The following ARID2 variants were observed in gnomAD, a reference collection of about 807,000 sequenced individuals.
The protein encoded by ARID2 is AT-rich interaction domain 2.
ARID2 carries 32 observed loss-of-function variants against 184.6 expected under a neutral mutation model. The observed-to-expected ratio is 0.17, with a 90% confidence interval of 0.13 to 0.23. ARID2 has a LOEUF of 0.23. Ranked by LOEUF, ARID2 falls within the 10% of genes least tolerant of loss-of-function variation. ARID2 has a pLI of 1.00. For synonymous variants in ARID2, 836 were observed against 772.6 expected, an observed-to-expected ratio of 1.08 and a Z score of -1.36; for missense variants, 1,696 against 2,197.6, an observed-to-expected ratio of 0.77 and a Z score of 4.56.
At chr12:45,771,114 T>C (rs892950844) in intron 3 of ARID2, among the ~76,000 whole-genome samples, 1 of 152,128 alleles carries the variant, frequency 6.6e-6, no homozygotes, top group East Asian at 1.9e-4. Context: ...TTATAAAAGA[T>C]AGTATAAATG....
At chr12:45,809,635 C>T (rs1357810448) in intron 3 of ARID2, among the ~76,000 whole-genome samples, 1 of 152,142 alleles carries the variant, frequency 6.6e-6, no homozygotes, top group East Asian at 1.9e-4. Context: ...GTATATGTCT[C>T]TGCTTCAGTA....
chr12:45,780,348 T>A (rs1336469171), intron 3 of ARID2, among the ~76,000 whole-genome samples: 2 of 152,188 alleles, frequency 1.3e-5, no homozygotes, highest in African/African-American at 4.8e-5. Flanking sequence ...AAAGAATGAC[T>A]TCTGCCTTTT....
chr12:45,770,200 C>T (rs1447883440), intron 3 of ARID2, among the ~76,000 whole-genome samples: 2 of 151,898 alleles, frequency 1.3e-5, no homozygotes, highest in Non-Finnish European at 2.9e-5. Flanking sequence ...TTGCAGTGAG[C>T]CGAGATCGTG....
chr12:45,826,764 C>T (rs1230092958), intron 6 of ARID2, among the ~76,000 whole-genome samples: 1 of 152,098 alleles, frequency 6.6e-6, no homozygotes, highest in Non-Finnish European at 1.5e-5. Context: ...CTAGAATTTA[C>T]AGCAAAGGGC....
chr12:45,807,387 T>G (rs1054343245), intron 3 of ARID2, among the ~76,000 whole-genome samples: 7 of 152,180 alleles, frequency 4.6e-5, no homozygotes, highest in African/African-American at 1.4e-4. Context: ...TGGTGGTGGT[T>G]ATTGTTTCAG....
chr12:45,810,349 C>G (rs1942682919), intron 3 of ARID2, among the ~76,000 whole-genome samples: 1 of 152,084 alleles, frequency 6.6e-6, no homozygotes, highest in Non-Finnish European at 1.5e-5. Flanking sequence ...AATGGTGATA[C>G]AGTGGGGGGA....
chr12:45,893,553 C>T lies in ARID2; in HGVS notation c.5271+10C>T, dbSNP rs370116658. The T allele has an allele frequency of 1.2e-5, 19 of 1,612,488 alleles. No individual in the cohort carries two copies. The highest frequency in any genetic ancestry group is 1.5e-5 in the Non-Finnish European group (18 of 1,179,330). ...CTTTCGAGATTTTACAGTAAGCATG[C>T]CTTGAAACCCTTATCTGTAAAAGTC... On this transcript the variant is annotated intron_variant, in intron 19 of 20. Coordinates refer to ENST00000334344, the MANE Select transcript of ARID2 (RefSeq NM_152641.4).
chr12:45,825,983 C>T (rs967181226), intron 6 of ARID2, among the ~76,000 whole-genome samples: 7 of 151,918 alleles, frequency 4.6e-5, no homozygotes, highest in African/African-American at 9.7e-5. Context: ...TGGTTTCTAA[C>T]GTATATTCCC....
At chr12:45,776,928 A>C (rs914125893) in intron 3 of ARID2, among the ~76,000 whole-genome samples, 8 of 151,146 alleles carry the variant, frequency 5.3e-5, no homozygotes, top group Admixed American at 1.3e-4. Context: ...GGTTACAGGC[A>C]CACACCACCA....
At chr12:45,893,190 T>G (rs1287958612) in intron 18 of ARID2, among the ~76,000 whole-genome samples, 1 of 152,216 alleles carries the variant, frequency 6.6e-6, no homozygotes, top group Non-Finnish European at 1.5e-5. Context: ...GCTTTAAAAT[T>G]GATAGATTGG....
intron 3 of ARID2, among the ~76,000 whole-genome samples, chr12:45,793,960 GT>G (rs1942341161): frequency 6.6e-6 from 1 of 151,716 alleles, no homozygotes; most frequent in Non-Finnish European, 1.5e-5. Context: ...AAACTATGTT[GT>G]AAGCAGTTAT....
At chr12:45,868,878 T>G (rs142144579) in intron 16 of ARID2, among the ~76,000 whole-genome samples, 6 of 152,322 alleles carry the variant, frequency 3.9e-5, no homozygotes, top group African/African-American at 1.4e-4. Context: ...CCCCTGCTGA[T>G]TCTTCGCAGT....
chr12:45,817,659 T>C lies in ARID2; in HGVS notation c.419-11T>C, dbSNP rs2138092117. On this transcript the variant is annotated splice_polypyrimidine_tract_variant and intron_variant, in intron 4 of 20. Transcript: ENST00000334344. ...CTTTGATATACTTAAGGTATTTTTT[T>C]TCTTTGTTAGATTATCTGCGTCAAA... The C allele has an allele frequency of 6.3e-7, 1 of 1,599,070 alleles. No homozygotes were observed. The highest frequency in any genetic ancestry group is 8.5e-7 in the Non-Finnish European group (1 of 1,175,896).
chr12:45,750,037 T>C (rs993472707), intron 3 of ARID2, among the ~76,000 whole-genome samples: 2 of 152,214 alleles, frequency 1.3e-5, no homozygotes, highest in African/African-American at 4.8e-5. Context: ...ACAACATAGC[T>C]AAATGTTTAG....
At chr12:45,897,913 T>C (rs1252767535) in intron 20 of ARID2, among the ~76,000 whole-genome samples, 6 of 151,990 alleles carry the variant, frequency 3.9e-5, no homozygotes, top group African/African-American at 1.5e-4. Context: ...GGAGCAATCA[T>C]GGCTCACTGC....
chr12:45,759,848 G>T (rs192110494), intron 3 of ARID2, among the ~76,000 whole-genome samples: 1 of 152,134 alleles, frequency 6.6e-6, no homozygotes, highest in African/African-American at 2.4e-5. Context: ...ATGCAAGCGC[G>T]TGCCTGGCCT....
intron 15 of ARID2, among the ~76,000 whole-genome samples, chr12:45,857,179 A>T (rs1592125162): frequency 1.3e-5 from 2 of 152,326 alleles, no homozygotes; most frequent in East Asian, 3.9e-4. Flanking sequence ...AAGGATATAC[A>T]TATTTAAGAT....
At chr12:45,821,508 T>C (rs1942895330) in intron 6 of ARID2, 21 bp downstream of exon 6, 1 of 1,446,410 alleles carries the variant, frequency 6.9e-7, no homozygotes, top group African/African-American at 1.5e-5. Context: ...TTAATTAAAA[T>C]GTTGATTCAT....
At chr12:45,861,802 C>G (rs1387691975) in intron 16 of ARID2, among the ~76,000 whole-genome samples, 1 of 151,822 alleles carries the variant, frequency 6.6e-6, no homozygotes, top group African/African-American at 2.4e-5. Context: ...GAACTCCTGA[C>G]CTCCAGTGAT....
Sources: gnomAD v4.1 joint callset for allele counts (sites outside exome capture counted in the v4.1 genomes callset) on GRCh38, gnomAD v4.1.1 for gene constraint, MANE v1.5 for transcripts, NCBI Gene and HGNC (gene_info 2026-07-23, HGNC 2026-07-21) for gene names.